The following RIC8B variants were observed in gnomAD, a reference collection of about 807,000 sequenced individuals.
RIC8B encodes the protein chaperone Ric-8B.
In RIC8B, 16 loss-of-function variants were observed where a neutral mutation model predicts 57.5. The observed-to-expected ratio is 0.28, with a 90% CI of 0.19 to 0.42. RIC8B has a LOEUF of 0.42. Among genes scored for constraint, RIC8B ranks in the 10% least tolerant of loss-of-function variants. RIC8B has a pLI of 1.00. For missense variants in RIC8B, 481 were observed against 677.0 expected (o/e 0.71, Z 3.21); for synonymous variants, 216 against 250.8 (o/e 0.86, Z 1.31).
chr12:106,817,546 G>A lies in RIC8B; in HGVS notation c.741+2242G>A, dbSNP rs575428722. On this transcript the variant is annotated intron_variant, in intron 3 of 9. Coordinates refer to ENST00000392837, the MANE Select transcript of RIC8B (RefSeq NM_001330145.2). ...CATAAAGAAAATCTCTCGGCCAGGC[G>A]TGGTGGCTCACGCCTGTAATCCCAG... 3.9e-5 allele frequency among the ~76,000 whole-genome samples: 6 copies of A among 152,188 alleles called. No individual in the cohort carries two copies. In the South Asian group the frequency reaches 1.2e-3, roughly 32 times the overall value.
intron 4 of RIC8B, among the ~76,000 whole-genome samples, chr12:106,826,390 T>C (rs2046100128): frequency 6.6e-6 from 1 of 152,230 alleles, no homozygotes; most frequent in Non-Finnish European, 1.5e-5. Flanking sequence ...AAAAAGTATA[T>C]ATTTTGGCAA....
Position 106,815,101 on chromosome 12 carries a change from T to C in RIC8B, c.538T>C (p.Ser180Pro). ...LLSLLHTDIR[S>P]QLRYELQGLP... is the part of the protein sequence containing the mutation. ...GTCACTTTTGCACACCGACATCAGG[T>C]CACAATTGCGCTATGAGCTCCAGGG... The change falls in exon 3 of 10, where the codon TCA (serine) becomes CCA (proline). Residue 180 changes from serine to proline, a missense_variant. Coordinates refer to ENST00000392837, the MANE Select transcript of RIC8B (RefSeq NM_001330145.2). 2 of 1,614,158 alleles carry C rather than the reference T, an allele frequency of 1.2e-6. No individual in the cohort carries two copies. The highest frequency in any genetic ancestry group is 1.7e-6 in the Non-Finnish European group (2 of 1,180,028).
chr12:106,812,412 TTA>T (rs1379421870), intron 2 of RIC8B, among the ~76,000 whole-genome samples: 3 of 152,058 alleles, frequency 2.0e-5, no homozygotes, highest in Non-Finnish European at 4.4e-5. Flanking sequence ...TCTGAAGTTA[TTA>T]GGAAGAAAGG....
chr12:106,820,582 C>T (rs2045794697), intron 3 of RIC8B, among the ~76,000 whole-genome samples: 1 of 152,102 alleles, frequency 6.6e-6, no homozygotes. Flanking sequence ...TTCCCTTCTC[C>T]CGTGCTTCCA....
intron 3 of RIC8B, among the ~76,000 whole-genome samples, chr12:106,819,183 A>C (rs555153707): frequency 6.6e-6 from 1 of 152,206 alleles, no homozygotes. Flanking sequence ...ATAAAAATTC[A>C]TAGAGTAGGT....
At chr12:106,798,668 T>C (rs1463422995) in intron 2 of RIC8B, among the ~76,000 whole-genome samples, 1 of 152,202 alleles carries the variant, frequency 6.6e-6, no homozygotes, top group Admixed American at 6.5e-5. Flanking sequence ...ATATGAACTC[T>C]AAATCTGCTT....
chr12:106,791,494 A>C (rs2044257707), intron 2 of RIC8B, among the ~76,000 whole-genome samples: 1 of 152,220 alleles, frequency 6.6e-6, no homozygotes, highest in South Asian at 2.1e-4. Context: ...GAGAGCATAA[A>C]AAACTCTTAC....
rs113261803 is a variant in RIC8B, at chr12:106,814,562, C to T, written c.133-134C>T. ...CCTTATATTTCAGTTTCTAACATTC[C>T]GTGATTTAAAAAATAATAAAAACCT... is the stretch of plus-strand genomic sequence containing the variant. On this transcript the variant is annotated intron_variant, in intron 2 of 9. Transcript: ENST00000392837. The T allele has an allele frequency of 1.4e-4, 127 of 916,198 alleles. No homozygotes were observed. In the African/African-American group the frequency reaches 1.4e-3, roughly 10 times the overall value. 56.8% of individuals were successfully genotyped at this position (916,198 alleles called of 1,614,324 possible).
At chr12:106,870,421 G>T (rs988896788) in intron 8 of RIC8B, among the ~76,000 whole-genome samples, 4 of 151,000 alleles carry the variant, frequency 2.6e-5, no homozygotes, top group African/African-American at 7.3e-5. Context: ...AATTTTTTTT[G>T]ATGTTTGTTT....
chr12:106,824,990 C>A (rs1367308983), intron 3 of RIC8B, among the ~76,000 whole-genome samples: 1 of 152,066 alleles, frequency 6.6e-6, no homozygotes, highest in Non-Finnish European at 1.5e-5. Context: ...CATATCCAGG[C>A]TCTCTATCAC....
chr12:106,851,340 C>A, intron 6 of RIC8B, 110 bp from the exon 7 acceptor site: 30 of 273,170 alleles, frequency 1.1e-4, no homozygotes, highest in East Asian at 3.0e-4. Flanking sequence ...TTTTTTTGCT[C>A]CTACAATACA....
intron 8 of RIC8B, among the ~76,000 whole-genome samples, chr12:106,869,843 G>A (rs750847860): frequency 6.6e-6 from 1 of 152,178 alleles, no homozygotes; most frequent in Non-Finnish European, 1.5e-5. Flanking sequence ...GGAGGTTGAG[G>A]CAGGAGAATC....
chr12:106,810,202 G>A (rs1172519739), intron 2 of RIC8B, among the ~76,000 whole-genome samples: 5 of 144,606 alleles, frequency 3.5e-5, no homozygotes, highest in African/African-American at 1.3e-4. Flanking sequence ...TAAAGTGCTA[G>A]GATTATAGGC....
intron 8 of RIC8B, among the ~76,000 whole-genome samples, chr12:106,862,668 A>G (rs998938953): frequency 6.6e-6 from 1 of 152,096 alleles, no homozygotes; most frequent in Non-Finnish European, 1.5e-5. Flanking sequence ...AGTTGCTACT[A>G]TTGGCAGAAG....
At position 106,816,817 on chromosome 12, in the gene RIC8B, A is replaced by C. The variant is rs566405142; in HGVS notation, c.741+1513A>C. 2.9e-3 allele frequency among the ~76,000 whole-genome samples: 435 copies of C among 152,358 alleles called. 2 individuals are homozygous for C. The highest frequency in any genetic ancestry group is 5.4e-3 in the Non-Finnish European group (365 of 68,030). ...TTATTAGTATACTTCAGTTATAAGTAATATCGGAGCTAGAAGAAGCTTTAG... is the reference window on the plus strand; with the variant it reads ...TTATTAGTATACTTCAGTTATAAGTCATATCGGAGCTAGAAGAAGCTTTAG... On this transcript the variant is annotated intron_variant, in intron 3 of 9. Coordinates refer to ENST00000392837, the MANE Select transcript of RIC8B (RefSeq NM_001330145.2).
At chr12:106,804,303 C>T (rs1042149210) in intron 2 of RIC8B, among the ~76,000 whole-genome samples, 1 of 151,978 alleles carries the variant, frequency 6.6e-6, no homozygotes, top group Non-Finnish European at 1.5e-5. Context: ...CAGTCTCCGC[C>T]TCCTGGGCCC....
intron 4 of RIC8B, among the ~76,000 whole-genome samples, chr12:106,831,527 A>G (rs1465964866): frequency 6.6e-6 from 1 of 152,086 alleles, no homozygotes; most frequent in Non-Finnish European, 1.5e-5. Flanking sequence ...AGTTTTTATT[A>G]TGGATATTTG....
intron 7 of RIC8B, among the ~76,000 whole-genome samples, chr12:106,853,849 T>C (rs1463936450): frequency 6.6e-6 from 1 of 152,214 alleles, no homozygotes; most frequent in African/African-American, 2.4e-5. Flanking sequence ...GTTCAACAAA[T>C]GTTTTTGAAC....
At position 106,845,416 on chromosome 12, in the gene RIC8B, A is replaced by G. The variant is rs1204156758; in HGVS notation, c.1161+1469A>G. Among the ~76,000 whole-genome samples, 7 of 152,142 alleles carry G rather than the reference A, an allele frequency of 4.6e-5. No individual in the cohort carries two copies. The East Asian group carries it at 7.7e-4, about 17-fold the overall frequency. Reference sequence around the variant, plus strand: ...TGTTTCATCATGAAATTAAGAAAAAACTTTATCTTTCCACCATTGCATCTG... The same window carrying G: ...TGTTTCATCATGAAATTAAGAAAAAGCTTTATCTTTCCACCATTGCATCTG... On this transcript the variant is annotated intron_variant, in intron 6 of 9. Transcript: ENST00000392837.
Sources: allele counts gnomAD v4.1 joint callset (sites outside exome capture counted in the v4.1 genomes callset), GRCh38; gene constraint gnomAD v4.1.1; transcripts MANE v1.5; gene names NCBI Gene and HGNC (gene_info 2026-07-23, HGNC 2026-07-21).